Variants in CFAP47 observed in about 807,000 individuals in gnomAD.
The protein encoded by CFAP47 is cilia and flagella associated protein 47.
Under a neutral mutation model 148.1 loss-of-function variants are expected in CFAP47, and 29 were observed. The observed-to-expected ratio is 0.20, with a 90% CI of 0.15 to 0.27. The LOEUF is 0.27. Among genes scored for constraint, CFAP47 ranks in the 10% least tolerant of loss-of-function variants. The pLI is 1.00. For synonymous variants in CFAP47, 664 were observed against 577.3 expected, an observed-to-expected ratio of 1.15 and a Z score of -2.15; for missense variants, 1,872 against 1,697.5, an observed-to-expected ratio of 1.10 and a Z score of -1.81.
At chrX:36,277,684 G>C (rs1602086535) in intron 49 of CFAP47, among the ~76,000 whole-genome samples, 1 of 112,189 alleles carries the variant, frequency 8.9e-6, no homozygotes, top group Non-Finnish European at 1.9e-5. Flanking sequence ...GTCCTGTCCA[G>C]TATTAAAGAT....
chrX:36,357,612 T>C (rs1210812698), intron 60 of CFAP47, among the ~76,000 whole-genome samples: 1 of 112,211 alleles, frequency 8.9e-6, no homozygotes, highest in Non-Finnish European at 1.9e-5. Context: ...ACCTGTACTA[T>C]TTACATCAAT....
At chrX:35,949,568 G>A (rs777264015) in intron 4 of CFAP47, among the ~76,000 whole-genome samples, 2 of 111,705 alleles carry the variant, frequency 1.8e-5, no homozygotes, top group Non-Finnish European at 3.8e-5. Flanking sequence ...AGGGTTATGG[G>A]AGAGGATCTT....
Position 36,220,565 on chromosome X carries a change from G to T in CFAP47, c.6818-8063G>T, listed in dbSNP as rs183596177. Among the ~76,000 whole-genome samples, 215 of 110,487 alleles carry T rather than the reference G, an allele frequency of 1.9e-3. 1 individual carries two copies. Among genetic ancestry groups the T allele is most frequent in the African/African-American group, 6.4e-3 (196 of 30,490 alleles). On this transcript the variant is annotated intron_variant, in intron 45 of 63. Transcript: ENST00000378653. Reference sequence around the variant, plus strand: ...GATGCTTGTTTGATACAGGAAATGGGCCCAAGGGCTGCATATTGAGTTACC... The same window carrying T: ...GATGCTTGTTTGATACAGGAAATGGTCCCAAGGGCTGCATATTGAGTTACC...
intron 7 of CFAP47, among the ~76,000 whole-genome samples, chrX:35,955,394 C>T (rs539659692): frequency 1.8e-5 from 2 of 111,965 alleles, no homozygotes; most frequent in African/African-American, 6.5e-5. Context: ...AAAAATCTGA[C>T]AATTTTTCTC....
chrX:36,041,520 A>G (rs1254520409), intron 25 of CFAP47, among the ~76,000 whole-genome samples: 1 of 111,662 alleles, frequency 9.0e-6, no homozygotes, highest in African/African-American at 3.2e-5. Flanking sequence ...AAACAGATAT[A>G]TCAAACTATA....
chrX:35,947,606 A>C (rs1342259004), intron 3 of CFAP47, among the ~76,000 whole-genome samples: 3 of 106,523 alleles, frequency 2.8e-5, no homozygotes, highest in Non-Finnish European at 3.9e-5. Flanking sequence ...AATGTGGAGC[A>C]GAGTCACCCA....
intron 57 of CFAP47, among the ~76,000 whole-genome samples, chrX:36,334,358 TA>T (rs1277479643): frequency 3.6e-5 from 4 of 111,888 alleles, no homozygotes; most frequent in Non-Finnish European, 7.5e-5. Context: ...GGTCTGTATA[TA>T]ATTGTCCACT....
rs144189806 is a variant in CFAP47 at position 36,318,760 on chromosome X, G to T, written c.8345-449G>T. ...AATACAATCTATTTTTAAACAGCAGGCTCAAATAGACTCTTAATATCTACT... is the reference window on the plus strand; with the variant it reads ...AATACAATCTATTTTTAAACAGCAGTCTCAAATAGACTCTTAATATCTACT... On this transcript the variant is annotated intron_variant, in intron 56 of 63. Transcript: ENST00000378653. Among the ~76,000 whole-genome samples the T allele has an allele frequency of 5.8e-3, 649 of 111,894 alleles. 4 individuals carry two copies. The highest frequency in any genetic ancestry group is 0.02 in the African/African-American group (623 of 30,791).
At chrX:35,925,043 G>T (rs1217153362) in intron 1 of CFAP47, among the ~76,000 whole-genome samples, 3 of 111,501 alleles carry the variant, frequency 2.7e-5, no homozygotes, top group Non-Finnish European at 5.6e-5. Flanking sequence ...GAGTTCCGGT[G>T]ATCTATTGTA....
rs148774253 is a variant in CFAP47, at chrX:36,211,314, C to G, written c.6817+6204C>G. On this transcript the variant is annotated intron_variant, in intron 45 of 63. Coordinates refer to ENST00000378653, the MANE Select transcript of CFAP47 (RefSeq NM_001304548.2). ...AATTTGAAGACATGGCAAAGGCAGA[C>G]AAGGCCTGTTATGAAAGAGAAATGA... is the stretch of plus-strand genomic sequence containing the variant. The G allele has an allele frequency of 3.8e-3, 958 of 254,543 alleles. 6 individuals carry two copies. The highest frequency in any genetic ancestry group is 0.017 in the African/African-American group (595 of 34,553). The allele number at this position is 254,543 out of a possible 1,213,427, so 21.0% of individuals were successfully genotyped here. A position where few individuals can be genotyped will look rare whatever the true frequency, so the allele number is the denominator to read the frequency against.
chrX:35,987,711 T>A (rs763074766), intron 15 of CFAP47, among the ~76,000 whole-genome samples: 2 of 111,672 alleles, frequency 1.8e-5, no homozygotes, highest in Non-Finnish European at 3.8e-5. Context: ...CCCAGTTTTG[T>A]GCTTGAAACC....
At chrX:35,962,824 G>A (rs1164900651) in intron 8 of CFAP47, among the ~76,000 whole-genome samples, 1 of 109,915 alleles carries the variant, frequency 9.1e-6, no homozygotes, top group Non-Finnish European at 1.9e-5. Context: ...GAACACTTAG[G>A]TTGATTGCAT....
intron 30 of CFAP47, among the ~76,000 whole-genome samples, chrX:36,086,518 G>A: frequency 9.0e-6 from 1 of 111,717 alleles, no homozygotes; most frequent in Non-Finnish European, 1.9e-5. Flanking sequence ...ATCTATCCTA[G>A]CAGGAATAGA....
At chrX:36,293,514 A>G (rs1035364949) in intron 51 of CFAP47, among the ~76,000 whole-genome samples, 1 of 111,997 alleles carries the variant, frequency 8.9e-6, no homozygotes, top group Non-Finnish European at 1.9e-5. Flanking sequence ...TCCTACGTAT[A>G]GCTGGAGAAA....
intron 22 of CFAP47, among the ~76,000 whole-genome samples, chrX:36,026,033 T>C (rs2146714157): frequency 8.9e-6 from 1 of 112,029 alleles, no homozygotes; most frequent in African/African-American, 3.2e-5. Context: ...ATTAGACATT[T>C]TGTACTTCCA....
chrX:36,347,608 G>T (rs782321952), intron 57 of CFAP47, among the ~76,000 whole-genome samples: 9 of 111,739 alleles, frequency 8.1e-5, no homozygotes, highest in Non-Finnish European at 1.5e-4. Context: ...CTATAAAAAA[G>T]GATGAGTTCA....
intron 63 of CFAP47, among the ~76,000 whole-genome samples, chrX:36,382,339 T>G: frequency 8.9e-6 from 1 of 111,735 alleles, no homozygotes; most frequent in Non-Finnish European, 1.9e-5. Flanking sequence ...GATTGAAGAG[T>G]GCTCTCAGGG....
intron 59 of CFAP47, among the ~76,000 whole-genome samples, chrX:36,352,981 ATATTT>A (rs200961503): frequency 0.1 from 11,445 of 109,972 alleles, 505 homozygotes; most frequent in East Asian, 0.25. Flanking sequence ...ATAATTTTAA[ATATTT>A]TATTTAATTT....
rs1936171500 is a variant in CFAP47 at position 35,951,884 on chromosome X, A to G, written c.967A>G (p.Ile323Val). The G allele has an allele frequency of 8.5e-7, 1 of 1,177,091 alleles. No individual in the cohort carries two copies. Among genetic ancestry groups the G allele is most frequent in the Non-Finnish European group, 1.1e-6 (1 of 885,429 alleles). Residue 323 changes from isoleucine (I) to valine (V), a missense_variant, in exon 6 of 64, where the codon ATC becomes GTC. Coordinates refer to ENST00000378653, the MANE Select transcript of CFAP47 (RefSeq NM_001304548.2). Reference sequence around the variant, plus strand: ...AAAAATAAAGAACATAGATACTACTATCATTATCTCCTGTCTTCCTAATGA... The same window carrying G: ...AAAAATAAAGAACATAGATACTACTGTCATTATCTCCTGTCTTCCTAATGA... ...IRKIKNIDTT[I>V]IISCLPNEGT...
Sources: allele counts gnomAD v4.1 joint callset (sites outside exome capture counted in the v4.1 genomes callset), GRCh38; gene constraint gnomAD v4.1.1; transcripts MANE v1.5; gene names NCBI Gene and HGNC (gene_info 2026-07-23, HGNC 2026-07-21).